AMPH: variants seen among roughly 807,000 people sequenced by gnomAD.
AMPH encodes amphiphysin, also known as amphiphysin (Stiff-Mann syndrome with breast cancer 128kD autoantigen).
In AMPH, 49 loss-of-function variants were observed where a neutral mutation model predicts 99.1. The ratio of observed to expected loss-of-function variants is 0.49; its 90% CI spans 0.39 to 0.63. AMPH has a LOEUF of 0.63. AMPH is among the 20% of genes least tolerant of loss of function. AMPH has a pLI of 0.00. For synonymous variants in AMPH, 314 were observed against 317.3 expected, an observed-to-expected ratio of 0.99 and a Z score of 0.11; for missense variants, 759 against 863.4, an observed-to-expected ratio of 0.88 and a Z score of 1.52.
intron 1 of AMPH, among the ~76,000 whole-genome samples, chr7:38,571,151 GAATA>G (rs372263835): frequency 0.21 from 10,838 of 51,264 alleles, 2,159 homozygotes; most frequent in Middle Eastern, 0.31. Flanking sequence ...ATATATTTAT[GAATA>G]TATATATTTT....
chr7:38,608,206 G>A (rs1321899779), intron 1 of AMPH, among the ~76,000 whole-genome samples: 1 of 152,164 alleles, frequency 6.6e-6, no homozygotes, highest in Non-Finnish European at 1.5e-5. Flanking sequence ...CTGTGCATAA[G>A]ACACAGCCTG....
At position 38,494,462 on chromosome 7, in the gene AMPH, C is replaced by T. The variant is rs745531224; in HGVS notation, c.271G>A (p.Gly91Arg). 5 of 1,613,886 alleles carry T rather than the reference C, an allele frequency of 3.1e-6. No homozygotes were observed. Reference sequence around the variant, plus strand: ...CCAACCATTTTCACATCTTCCCGCCCATACCAGTCAGGCTCATAGACTTCA... The same window carrying T: ...CCAACCATTTTCACATCTTCCCGCCTATACCAGTCAGGCTCATAGACTTCA... ...LHEVYEPDWY[G>R]REDVKMVGEK... The change falls in exon 4 of 21, where the codon GGG (glycine) becomes AGG (arginine). Residue 91 changes from glycine to arginine, a missense_variant. Physicochemically the swap from Gly to Arg is moderately radical, Grantham distance 125. Coordinates refer to ENST00000356264, the MANE Select transcript of AMPH (RefSeq NM_001635.4).
intron 1 of AMPH, among the ~76,000 whole-genome samples, chr7:38,568,850 C>A (rs1188570422): frequency 6.6e-6 from 1 of 152,114 alleles, no homozygotes; most frequent in Non-Finnish European, 1.5e-5. Flanking sequence ...GAGAGCTGAA[C>A]CCTGACACTG....
At position 38,538,418 on chromosome 7, in the gene AMPH, C is replaced by T. The variant is rs567248942; in HGVS notation, c.70-3407G>A. 8.0e-4 allele frequency among the ~76,000 whole-genome samples: 122 copies of T among 152,230 alleles called. No homozygotes were observed. In the Middle Eastern group the frequency reaches 0.017, roughly 21 times the overall value. On this transcript the variant is annotated intron_variant, in intron 1 of 20. Coordinates refer to ENST00000356264, the MANE Select transcript of AMPH (RefSeq NM_001635.4). ...CTGTGATCTTTCAATAGTATTCAAG[C>T]CCAGGGTGGGAGGTGTGGAACTGGA...
chr7:38,628,312 G>C (rs992422916), intron 1 of AMPH, among the ~76,000 whole-genome samples: 2 of 152,184 alleles, frequency 1.3e-5, no homozygotes, highest in Non-Finnish European at 2.9e-5. Flanking sequence ...GACTGCTGAT[G>C]AGAATGTAAA....
At chr7:38,396,407 AT>A (rs1784670040) in intron 17 of AMPH, among the ~76,000 whole-genome samples, 2 of 152,184 alleles carry the variant, frequency 1.3e-5, no homozygotes, top group Non-Finnish European at 2.9e-5. Context: ...GCCTTCCATC[AT>A]GATTGTGAGG....
intron 1 of AMPH, among the ~76,000 whole-genome samples, chr7:38,589,716 C>T (rs1305737633): frequency 3.9e-5 from 6 of 152,162 alleles, no homozygotes; most frequent in Non-Finnish European, 7.4e-5. Context: ...TTTCATATTA[C>T]GTAGCTCTCA....
chr7:38,622,788 T>C (rs1429946383), intron 1 of AMPH, among the ~76,000 whole-genome samples: 1 of 152,038 alleles, frequency 6.6e-6, no homozygotes, highest in African/African-American at 2.4e-5. Flanking sequence ...TTGTATAATT[T>C]GGGAATGGTT....
chr7:38,616,957 T>C (rs527990066), intron 1 of AMPH, among the ~76,000 whole-genome samples: 136 of 152,276 alleles, frequency 8.9e-4, no homozygotes, highest in African/African-American at 3.2e-3. Context: ...AGATAAGATA[T>C]AGATACAGAT....
intron 7 of AMPH, among the ~76,000 whole-genome samples, chr7:38,467,778 T>C (rs1037230415): frequency 1.3e-5 from 2 of 151,920 alleles, no homozygotes; most frequent in Non-Finnish European, 2.9e-5. Flanking sequence ...CATGATTACA[T>C]ATCAAAAGTG....
intron 17 of AMPH, among the ~76,000 whole-genome samples, 178 bp from the exon 18 acceptor site, chr7:38,394,392 C>T (rs1784604796): frequency 6.6e-6 from 1 of 152,218 alleles, no homozygotes; most frequent in Non-Finnish European, 1.5e-5. Flanking sequence ...ACTCCGACTT[C>T]TCTTCTGCTG....
At chr7:38,490,920 A>G (rs1203740601) in intron 5 of AMPH, 130 bp downstream of exon 5, 1 of 605,332 alleles carries the variant, frequency 1.7e-6, no homozygotes, top group Non-Finnish European at 2.9e-6. Context: ...TCCCACGCTT[A>G]AATAAATGAA....
chr7:38,429,633 A>G, intron 14 of AMPH: 2 of 1,426,670 alleles, frequency 1.4e-6, no homozygotes, highest in Non-Finnish European at 1.9e-6. Flanking sequence ...GATGAAACAG[A>G]ACATGGTAAG....
At chr7:38,591,963 G>A (rs1792874090) in intron 1 of AMPH, among the ~76,000 whole-genome samples, 1 of 152,202 alleles carries the variant, frequency 6.6e-6, no homozygotes, top group African/African-American at 2.4e-5. Context: ...TGGGAAATCA[G>A]GGGACTCACA....
At chr7:38,528,304 A>G (rs912035263) in intron 2 of AMPH, among the ~76,000 whole-genome samples, 1 of 152,208 alleles carries the variant, frequency 6.6e-6, no homozygotes, top group East Asian at 1.9e-4. Flanking sequence ...TCTGAAAAAG[A>G]TTATGTAAAA....
At chr7:38,543,287 T>A (rs775078694) in intron 1 of AMPH, among the ~76,000 whole-genome samples, 8 of 152,036 alleles carry the variant, frequency 5.3e-5, no homozygotes, top group Non-Finnish European at 1.2e-4. Context: ...AACGCTGACC[T>A]GCTGTACAAA....
chr7:38,516,911 G>T (rs1352339442), intron 2 of AMPH, among the ~76,000 whole-genome samples: 12 of 152,206 alleles, frequency 7.9e-5, no homozygotes, highest in Non-Finnish European at 1.6e-4. Flanking sequence ...TGACTGCCTT[G>T]CTGGGTTTCA....
At chr7:38,437,633 A>AG (rs1312873714) in intron 11 of AMPH, among the ~76,000 whole-genome samples, 2 of 134,456 alleles carry the variant, frequency 1.5e-5, no homozygotes, top group African/African-American at 5.8e-5. Context: ...TACAAAAAAA[A>AG]AAAAAAAAAA....
intron 1 of AMPH, among the ~76,000 whole-genome samples, chr7:38,544,525 C>T (rs894563510): frequency 1.3e-5 from 2 of 152,122 alleles, no homozygotes; most frequent in African/African-American, 4.8e-5. Flanking sequence ...TACGGCTGTG[C>T]CTTTTATCAG....
Sources: allele counts gnomAD v4.1 joint callset (sites outside exome capture counted in the v4.1 genomes callset), GRCh38; gene constraint gnomAD v4.1.1; transcripts MANE v1.5; gene names NCBI Gene and HGNC (gene_info 2026-07-23, HGNC 2026-07-21).